The following CDH9 variants were observed in gnomAD, a reference collection of about 807,000 sequenced individuals.
CDH9 encodes the protein cadherin 9.
A neutral mutation model predicts 70.9 loss-of-function variants in CDH9; 28 were observed. The ratio of observed to expected loss-of-function variants is 0.40; its 90% CI spans 0.29 to 0.54. The LOEUF is 0.54. CDH9 is among the 20% of genes least tolerant of loss of function. CDH9 has a pLI of 0.59. For missense variants in CDH9, 874 were observed against 984.4 expected, an observed-to-expected ratio of 0.89 and a Z score of 1.50; for synonymous variants, 409 against 343.1, an observed-to-expected ratio of 1.19 and a Z score of -2.12.
intron 1 of CDH9, among the ~76,000 whole-genome samples, chr5:26,999,533 G>A (rs539338115): frequency 3.9e-5 from 6 of 152,118 alleles, no homozygotes; most frequent in African/African-American, 1.2e-4. Context: ...AAGAACAGAC[G>A]ATAGGGTCAT....
intron 7 of CDH9, among the ~76,000 whole-genome samples, chr5:26,893,555 C>A (rs1265350285): frequency 6.6e-6 from 1 of 152,040 alleles, no homozygotes; most frequent in African/African-American, 2.4e-5. Context: ...AAAATACACT[C>A]ATTTGACATA....
intron 1 of CDH9, among the ~76,000 whole-genome samples, chr5:27,024,538 A>G (rs548034820): frequency 5.3e-5 from 8 of 152,220 alleles, no homozygotes; most frequent in African/African-American, 1.9e-4. Context: ...TCTCAAACAC[A>G]GTAGTGAAAT....
At chr5:26,959,534 T>A (rs1741999065) in intron 2 of CDH9, among the ~76,000 whole-genome samples, 9 of 152,128 alleles carry the variant, frequency 5.9e-5, no homozygotes, top group Admixed American at 5.9e-4. Flanking sequence ...AAATATGTTT[T>A]CACACGAATA....
chr5:26,957,862 ATATACGGATTC>A (rs141383889), intron 2 of CDH9, among the ~76,000 whole-genome samples: 29,975 of 151,958 alleles, frequency 0.2, 3,812 homozygotes, highest in Non-Finnish European at 0.28. Flanking sequence ...CCATTATTTT[ATATACGGATTC>A]TATTTAAATA....
chr5:27,022,597 C>T (rs1025315555), intron 1 of CDH9, among the ~76,000 whole-genome samples: 39 of 152,046 alleles, frequency 2.6e-4, no homozygotes, highest in African/African-American at 8.9e-4. Flanking sequence ...TTTTAGGTGG[C>T]TGATAACTGA....
chr5:27,035,396 A>C (rs1217967239), intron 1 of CDH9, among the ~76,000 whole-genome samples: 1 of 151,658 alleles, frequency 6.6e-6, no homozygotes, highest in Non-Finnish European at 1.5e-5. Flanking sequence ...ACAAATATGC[A>C]AGATACAGAG....
chr5:26,890,404 C>T (rs368339950), intron 8 of CDH9, 24 bp downstream of exon 8: 19 of 1,605,372 alleles, frequency 1.2e-5, no homozygotes, highest in African/African-American at 1.1e-4. Context: ...ACAGTGTCTT[C>T]GGGTAGATGT....
intron 2 of CDH9, among the ~76,000 whole-genome samples, chr5:26,917,868 A>G (rs547782993): frequency 1.3e-5 from 2 of 152,146 alleles, no homozygotes; most frequent in Non-Finnish European, 2.9e-5. Flanking sequence ...AACATCTTCA[A>G]GTCACAGCAT....
chr5:26,923,069 T>TAAAAA (rs56883597), intron 2 of CDH9, among the ~76,000 whole-genome samples: 4 of 95,056 alleles, frequency 4.2e-5, no homozygotes, highest in Admixed American at 1.1e-4. Context: ...TTACATGAAT[T>TAAAAA]AAAAAAAAAA....
At position 26,987,242 on chromosome 5, in the gene CDH9, C is replaced by T. The variant is rs180947095; in HGVS notation, c.228+864G>A. 3.2e-3 allele frequency among the ~76,000 whole-genome samples: 484 copies of T among 151,786 alleles called. 3 individuals carry two copies. The highest frequency in any genetic ancestry group is 5.8e-3 in the Non-Finnish European group (392 of 67,862). The stretch of plus-strand genomic sequence containing the variant: ...AATAAATAAATTTATGATCTGTAGA[C>T]TGCAAGTATTTAAAATTGTTCGTTT... On this transcript the variant is annotated intron_variant, in intron 2 of 11. Transcript: ENST00000231021.
chr5:27,034,247 TA>T (rs2112138845), intron 1 of CDH9, among the ~76,000 whole-genome samples: 1 of 151,820 alleles, frequency 6.6e-6, no homozygotes, highest in East Asian at 2.0e-4. Flanking sequence ...GAGTAGAAAT[TA>T]AAATGAAGTC....
chr5:26,881,977 G>A (rs1230020909), intron 11 of CDH9, among the ~76,000 whole-genome samples: 1 of 151,990 alleles, frequency 6.6e-6, no homozygotes, highest in Non-Finnish European at 1.5e-5. Flanking sequence ...CTCTACTCAT[G>A]GTGATATTGA....
intron 1 of CDH9, among the ~76,000 whole-genome samples, chr5:26,989,213 T>C (rs973848785): frequency 6.6e-6 from 1 of 152,080 alleles, no homozygotes; most frequent in Non-Finnish European, 1.5e-5. Flanking sequence ...AATAAGTTGA[T>C]TATTCTTGGA....
At chr5:26,949,764 T>C (rs1741813116) in intron 2 of CDH9, among the ~76,000 whole-genome samples, 1 of 152,140 alleles carries the variant, frequency 6.6e-6, no homozygotes, top group African/African-American at 2.4e-5. Context: ...TTAACACAAA[T>C]AAGGACATAA....
rs1467547265 is a variant in CDH9 at position 26,988,479 on chromosome 5, T to G, written c.-49-97A>C. On this transcript the variant is annotated intron_variant, in intron 1 of 11. Coordinates refer to ENST00000231021, the MANE Select transcript of CDH9 (RefSeq NM_016279.4). ...TACTTATTCCAGACATTATTTAAAT[T>G]TTATTATGTACTATATATACATTAT... The G allele has an allele frequency of 2.6e-5, 28 of 1,089,422 alleles. No homozygotes were observed. In the South Asian group the frequency reaches 3.8e-4, roughly 15 times the overall value. 67.5% of individuals were successfully genotyped at this position (1,089,422 alleles called of 1,614,324 possible).
rs571537235 is a variant in CDH9 at position 26,975,217 on chromosome 5, C to A, written c.228+12889G>T. Among the ~76,000 whole-genome samples, 5 of 152,172 alleles carry A rather than the reference C, an allele frequency of 3.3e-5. No homozygotes were observed. In the South Asian group the frequency reaches 1.0e-3, roughly 32 times the overall value. Reference sequence around the variant, plus strand: ...AGAAGGGATGTGACCCTCAAATAGACTTGCGAGATCTAGACCGGAAGTGAC... The same window carrying A: ...AGAAGGGATGTGACCCTCAAATAGAATTGCGAGATCTAGACCGGAAGTGAC... On this transcript the variant is annotated intron_variant, in intron 2 of 11. Coordinates refer to ENST00000231021, the MANE Select transcript of CDH9 (RefSeq NM_016279.4).
chr5:26,884,331 A>G (rs1740524267), intron 11 of CDH9, among the ~76,000 whole-genome samples: 1 of 152,204 alleles, frequency 6.6e-6, no homozygotes, highest in African/African-American at 2.4e-5. Flanking sequence ...ACATTAATAT[A>G]GAAATTTTAA....
intron 1 of CDH9, among the ~76,000 whole-genome samples, chr5:27,011,865 T>C (rs1409727633): frequency 2.0e-5 from 3 of 152,010 alleles, no homozygotes; most frequent in Non-Finnish European, 2.9e-5. Context: ...TCTCTCTGCC[T>C]CTGTTTCTTA....
intron 1 of CDH9, among the ~76,000 whole-genome samples, chr5:27,019,185 G>A (rs1743095124): frequency 6.6e-6 from 1 of 151,824 alleles, no homozygotes; most frequent in African/African-American, 2.4e-5. Context: ...AAGTATTTGG[G>A]TATGACGAGA....
Sources: allele counts gnomAD v4.1 joint callset (sites outside exome capture counted in the v4.1 genomes callset), GRCh38; gene constraint gnomAD v4.1.1; transcripts MANE v1.5; gene names NCBI Gene and HGNC (gene_info 2026-07-23, HGNC 2026-07-21).